The following NCALD variants were observed in gnomAD, a reference collection of about 807,000 sequenced individuals.
NCALD encodes neurocalcin delta, also known as neurocalcin-delta.
NCALD carries 10 observed loss-of-function variants against 18.6 expected under a neutral mutation model. The observed-to-expected ratio is 0.54, with a 90% CI of 0.33 to 0.91. The LOEUF is 0.91. Among genes scored for constraint, NCALD ranks in the 40% least tolerant of loss-of-function variants. The pLI is 0.03. For missense variants in NCALD, 184 were observed against 247.6 expected, an observed-to-expected ratio of 0.74 and a Z score of 1.72; for synonymous variants, 88 against 87.4, an observed-to-expected ratio of 1.01 and a Z score of -0.04.
At chr8:101,967,335 G>A (rs962559047) in intron 2 of NCALD, among the ~76,000 whole-genome samples, 1 of 152,122 alleles carries the variant, frequency 6.6e-6, no homozygotes, top group African/African-American at 2.4e-5. Context: ...TAAATCCAAG[G>A]ACTTTTATTA....
chr8:102,003,353 T>A lies in NCALD; in HGVS notation c.-157+16884A>T, dbSNP rs1338318111. Among the ~76,000 whole-genome samples the A allele has an allele frequency of 3.3e-5, 5 of 152,116 alleles. No individual in the cohort carries two copies. In the East Asian group the frequency reaches 7.7e-4, roughly 23 times the overall value. On this transcript the variant is annotated intron_variant, in intron 2 of 6. Coordinates refer to the NCALD transcript ENST00000311028. ...AGGAAGAAGTTGAATCTCTGAATAG[T>A]CCAATAACAGGCTCTGAAATTGAGG...
chr8:101,782,527 C>T (rs1000474355), intron 1 of NCALD, among the ~76,000 whole-genome samples: 7 of 152,092 alleles, frequency 4.6e-5, no homozygotes, highest in African/African-American at 1.7e-4. Context: ...AGATCAAATC[C>T]AGCTTAAGTG....
chr8:101,837,439 G>A (rs1814459830), intron 4 of NCALD, among the ~76,000 whole-genome samples: 3 of 152,210 alleles, frequency 2.0e-5, no homozygotes. Context: ...TATCTACACA[G>A]TTCAATCATA....
In NCALD at chr8:101,877,986, A is replaced by C. The variant is rs1442098297; in HGVS notation, c.-20+9155T>G. Among the ~76,000 whole-genome samples the C allele has an allele frequency of 2.0e-5, 3 of 152,230 alleles. No homozygotes were observed. In the East Asian group the frequency reaches 5.8e-4, roughly 29 times the overall value. On this transcript the variant is annotated intron_variant, in intron 4 of 6. Coordinates refer to the NCALD transcript ENST00000311028. The stretch of plus-strand genomic sequence containing the variant: ...AAGCCACTGATCTAATGAAGCTAGA[A>C]AATACTAAATTTTGAACTCCCATAA...
At chr8:101,863,943 C>T (rs572692) in intron 4 of NCALD, among the ~76,000 whole-genome samples, 58,077 of 151,934 alleles carry the variant, frequency 0.38, 13,762 homozygotes, top group African/African-American at 0.66. Flanking sequence ...CCCTGAGCAA[C>T]GAACTCAGAA....
chr8:101,919,418 A>C (rs1291927725), intron 2 of NCALD, among the ~76,000 whole-genome samples: 1 of 152,208 alleles, frequency 6.6e-6, no homozygotes, highest in Non-Finnish European at 1.5e-5. Flanking sequence ...ACCTCAAACT[A>C]TAAGAATCCT....
At chr8:101,720,369 C>T (rs1028442212) in intron 1 of NCALD, among the ~76,000 whole-genome samples, 1 of 152,074 alleles carries the variant, frequency 6.6e-6, no homozygotes, top group Non-Finnish European at 1.5e-5. Flanking sequence ...AATAACTTTG[C>T]ATTTTCTTAT....
At chr8:102,084,562 G>A (rs113854211) in intron 1 of NCALD, among the ~76,000 whole-genome samples, 1 of 152,198 alleles carries the variant, frequency 6.6e-6, no homozygotes, top group African/African-American at 2.4e-5. Flanking sequence ...TTCCCTTGAT[G>A]GGGTGTTGTC....
intron 4 of NCALD, among the ~76,000 whole-genome samples, chr8:101,856,102 C>T (rs879941684): frequency 2.0e-5 from 3 of 152,122 alleles, no homozygotes; most frequent in Non-Finnish European, 2.9e-5. Context: ...GATCTAAGCC[C>T]CAACCCTGGA....
intron 1 of NCALD, among the ~76,000 whole-genome samples, chr8:102,047,247 A>G (rs1823277692): frequency 6.6e-6 from 1 of 152,174 alleles, no homozygotes; most frequent in African/African-American, 2.4e-5. Context: ...TTTCATCTTC[A>G]TTGCAGCACT....
chr8:101,824,938 C>T (rs1813871084), intron 4 of NCALD, among the ~76,000 whole-genome samples: 1 of 152,200 alleles, frequency 6.6e-6, no homozygotes, highest in Non-Finnish European at 1.5e-5. Context: ...AAGGTCATTA[C>T]ATAGTGGACT....
intron 3 of NCALD, chr8:101,691,353 A>G (rs1814721947): frequency 1.0e-6 from 1 of 985,280 alleles, no homozygotes; most frequent in African/African-American, 1.7e-5. Context: ...GTGCTCTGAG[A>G]ATGCTAACTC....
At chr8:101,850,420 A>G (rs1012294335) in intron 4 of NCALD, among the ~76,000 whole-genome samples, 1 of 152,226 alleles carries the variant, frequency 6.6e-6, no homozygotes, top group Non-Finnish European at 1.5e-5. Context: ...GTATGTGCAG[A>G]GCCTGTGAGG....
intron 4 of NCALD, among the ~76,000 whole-genome samples, chr8:101,839,537 C>G (rs1248092817): frequency 2.0e-5 from 3 of 152,080 alleles, no homozygotes; most frequent in Non-Finnish European, 2.9e-5. Context: ...CTGCCAGAAC[C>G]AAATATCCAT....
chr8:101,880,319 C>T (rs571430873), intron 4 of NCALD, among the ~76,000 whole-genome samples: 15 of 152,304 alleles, frequency 9.8e-5, no homozygotes, highest in African/African-American at 3.1e-4. Flanking sequence ...CCCGAGCCCA[C>T]GCCCACCCAG....
At chr8:102,034,364 G>A (rs1435189039) in intron 1 of NCALD, among the ~76,000 whole-genome samples, 3 of 152,186 alleles carry the variant, frequency 2.0e-5, no homozygotes, top group African/African-American at 4.8e-5. Context: ...GCCTTCATTT[G>A]TGCAAGGGAT....
intron 4 of NCALD, among the ~76,000 whole-genome samples, chr8:101,866,790 C>T (rs147834862): frequency 2.6e-5 from 4 of 152,278 alleles, no homozygotes; most frequent in South Asian, 2.1e-4. Context: ...GGTATTACGA[C>T]GGCCTCCTAA....
chr8:101,957,995 C>T (rs1819698672), intron 2 of NCALD, among the ~76,000 whole-genome samples: 1 of 152,274 alleles, frequency 6.6e-6, no homozygotes, highest in East Asian at 1.9e-4. Flanking sequence ...ACCTCAGCAT[C>T]GCCCATACTA....
intron 3 of NCALD, among the ~76,000 whole-genome samples, chr8:101,904,092 AGTTCTG>A (rs1467539560): frequency 1.3e-5 from 2 of 152,188 alleles, no homozygotes; most frequent in Non-Finnish European, 2.9e-5. Flanking sequence ...AAGCCTGTTC[AGTTCTG>A]TTTCTGTTAT....
Sources: gnomAD v4.1 joint callset for allele counts (sites outside exome capture counted in the v4.1 genomes callset) on GRCh38, gnomAD v4.1.1 for gene constraint, MANE v1.5 for transcripts, NCBI Gene and HGNC (gene_info 2026-07-23, HGNC 2026-07-21) for gene names.